Variants in TLK1 observed in about 807,000 individuals in gnomAD.
TLK1 encodes serine/threonine-protein kinase tousled-like 1.
In TLK1, 24 loss-of-function variants were observed where a neutral mutation model predicts 105.3. That is an observed-to-expected ratio of 0.23 (90% CI 0.17 to 0.32). TLK1 has a LOEUF of 0.32. Ranked by LOEUF, TLK1 falls within the 10% of genes least tolerant of loss-of-function variation. The pLI, the probability that TLK1 is intolerant of heterozygous loss-of-function variation, is 1.00. For synonymous variants in TLK1, 321 were observed against 310.4 expected, an observed-to-expected ratio of 1.03 and a Z score of -0.36; for missense variants, 558 against 910.5, an observed-to-expected ratio of 0.61 and a Z score of 4.98.
intron 2 of TLK1, among the ~76,000 whole-genome samples, chr2:171,098,089 T>G (rs938130714): frequency 6.6e-6 from 1 of 152,142 alleles, no homozygotes; most frequent in African/African-American, 2.4e-5. Context: ...CAACGATGGT[T>G]GCCAGGAACT....
Position 171,160,348 on chromosome 2 carries a change from C to G in TLK1, c.81G>C (p.Ser27=), listed in dbSNP as rs925498146. ...SQLSTSPTPG[S]AAAARSLLNH... ...TCAGCAGGGACCTGGCCGCCGCCGC[C>G]GAGCCCGGGGTTGGAGACGTGGAGA... Residue 27 remains serine, a synonymous_variant, in exon 1 of 21, where the codon TCG becomes TCC. Coordinates refer to ENST00000431350, the MANE Select transcript of TLK1 (RefSeq NM_012290.5). The surrounding 1 kb of genome is among the most constrained non-coding windows in gnomAD (Gnocchi z 4.4). 9 of 1,604,440 alleles carry G rather than the reference C, an allele frequency of 5.6e-6. No individual in the cohort carries two copies. Among genetic ancestry groups the G allele is most frequent in the Non-Finnish European group, 7.7e-6 (9 of 1,176,224 alleles).
In TLK1 at chr2:171,050,105, T is replaced by C. The variant is rs139963917; in HGVS notation, c.802A>G (p.Asn268Asp). The change falls in exon 9 of 21, where the codon AAT (asparagine) becomes GAT (aspartate). Residue 268 changes from asparagine to aspartate, a missense_variant. Physicochemically the swap from Asn to Asp is conservative, Grantham distance 23 (BLOSUM62 1). Around this residue, in one of 5 missense-constraint regions of TLK1, gnomAD observed 196 missense variants for 239.3 expected, o/e 0.82. Coordinates refer to ENST00000431350, the MANE Select transcript of TLK1 (RefSeq NM_012290.5). ...KLLEKYKERL[N>D]KCISMSKKLL... is the part of the protein sequence containing the mutation. ...TTCTTGCTCATTGATATGCACTTAT[T>C]TAATCGTTCTTTGTATTTTTCAAGT... is the stretch of plus-strand genomic sequence containing the variant. 1.9e-6 allele frequency: 3 copies of C among 1,600,242 alleles called. No individual in the cohort carries two copies. The highest frequency in any genetic ancestry group is 2.7e-5 in the African/African-American group (2 of 74,698).
chr2:171,090,966 G>C (rs1313790796), intron 2 of TLK1, among the ~76,000 whole-genome samples: 2 of 152,250 alleles, frequency 1.3e-5, no homozygotes, highest in Middle Eastern at 6.8e-3. Flanking sequence ...GCTACTATTA[G>C]GCCATACAGA....
intron 12 of TLK1, among the ~76,000 whole-genome samples, chr2:171,021,224 A>C (rs888903273): frequency 1.3e-5 from 2 of 151,466 alleles, no homozygotes; most frequent in African/African-American, 2.4e-5. Flanking sequence ...GCATCAAATA[A>C]ATGTTTAAGA....
intron 13 of TLK1, among the ~76,000 whole-genome samples, chr2:171,012,518 G>A (rs899754535): frequency 3.3e-5 from 5 of 151,544 alleles, no homozygotes; most frequent in South Asian, 2.1e-4. Flanking sequence ...ACAGAGTCTC[G>A]CTCTGGCTGG....
intron 18 of TLK1, among the ~76,000 whole-genome samples, chr2:170,998,801 C>T (rs1025910876): frequency 1.3e-5 from 2 of 152,174 alleles, no homozygotes; most frequent in Admixed American, 6.5e-5. Flanking sequence ...CAGGGTCCAA[C>T]TCTGTCACCC....
At chr2:171,004,708 G>A (rs752646634) in intron 18 of TLK1, among the ~76,000 whole-genome samples, 1 of 152,018 alleles carries the variant, frequency 6.6e-6, no homozygotes, top group Non-Finnish European at 1.5e-5. Context: ...TATCTTCCAT[G>A]GAATCTAAGA....
chr2:171,046,374 T>C lies in TLK1; in HGVS notation c.981-12A>G, dbSNP rs978990078. ...CCCATTCTTGTTGCCTGTGTAAAAA[T>C]AAACAAATAAAACCATATTAACCTT... is the stretch of plus-strand genomic sequence containing the variant. On this transcript the variant is annotated splice_polypyrimidine_tract_variant and intron_variant, in intron 10 of 20. Transcript: ENST00000431350. 1 of 1,580,592 alleles carries C rather than the reference T, an allele frequency of 6.3e-7. No homozygotes were observed. Among genetic ancestry groups the C allele is most frequent in the African/African-American group, 1.4e-5 (1 of 73,286 alleles).
At chr2:171,122,006 G>A (rs941064044) in intron 1 of TLK1, among the ~76,000 whole-genome samples, 2 of 152,296 alleles carry the variant, frequency 1.3e-5, no homozygotes, top group Admixed American at 6.5e-5. Context: ...GAGTGTAGTG[G>A]TGCAATCTTG....
intron 18 of TLK1, among the ~76,000 whole-genome samples, chr2:171,001,940 C>T (rs1210412393): frequency 6.6e-6 from 1 of 151,998 alleles, no homozygotes; most frequent in Non-Finnish European, 1.5e-5. Context: ...ACCACCACAC[C>T]CAGCTAATTT....
chr2:171,152,518 A>ATTG (rs144550135), intron 1 of TLK1, among the ~76,000 whole-genome samples: 131 of 151,840 alleles, frequency 8.6e-4, no homozygotes, highest in East Asian at 3.9e-3. Flanking sequence ...AGGTTTTGTT[A>ATTG]TTGTTGTTGT....
intron 1 of TLK1, among the ~76,000 whole-genome samples, chr2:171,199,195 C>A (rs1473059195): frequency 6.6e-6 from 1 of 152,132 alleles, no homozygotes; most frequent in African/African-American, 2.4e-5. Context: ...TAAAATCATG[C>A]CAAGGTCATT....
intron 3 of TLK1, among the ~76,000 whole-genome samples, chr2:171,064,648 T>G (rs1349352486): frequency 6.6e-6 from 1 of 152,156 alleles, no homozygotes; most frequent in Non-Finnish European, 1.5e-5. Context: ...GATTTGGCTT[T>G]GAAGTAAAGA....
intron 1 of TLK1, among the ~76,000 whole-genome samples, chr2:171,196,860 C>G (rs1693285406): frequency 6.6e-6 from 1 of 152,116 alleles, no homozygotes; most frequent in African/African-American, 2.4e-5. Flanking sequence ...GTAACTATGC[C>G]TATATGAATA....
intron 2 of TLK1, among the ~76,000 whole-genome samples, chr2:171,100,305 G>A (rs1040573549): frequency 6.6e-6 from 1 of 152,172 alleles, no homozygotes; most frequent in African/African-American, 2.4e-5. Context: ...GGCGGTGTGG[G>A]AAGTAAGGTC....
intron 14 of TLK1, 85 bp downstream of exon 14, chr2:171,011,288 C>A: frequency 8.4e-7 from 1 of 1,194,008 alleles, no homozygotes; most frequent in Non-Finnish European, 1.1e-6. Context: ...GCCACCATGC[C>A]CAGACAACGT....
intron 18 of TLK1, among the ~76,000 whole-genome samples, chr2:171,003,350 T>C (rs904210860): frequency 6.6e-6 from 1 of 150,766 alleles, no homozygotes; most frequent in Admixed American, 6.6e-5. Context: ...GTGACAGCTT[T>C]ACAAATTTCT....
Position 171,006,069 on chromosome 2 carries a change from A to T in TLK1, c.1904+78T>A, listed in dbSNP as rs191806949. The T allele has an allele frequency of 2.2e-3, 1,719 of 780,466 alleles. 4 individuals are homozygous for T. Among genetic ancestry groups the T allele is most frequent in the Middle Eastern group, 0.01 (31 of 3,100 alleles). The allele number at this position is 780,466 out of a possible 1,614,324, so 48.3% of individuals were successfully genotyped here. ...GTAATCTTAATGGCTACATGGAAATAAAAAAAAAAACACTAAATTATTATA... is the reference window on the plus strand; with the variant it reads ...GTAATCTTAATGGCTACATGGAAATTAAAAAAAAAACACTAAATTATTATA... On this transcript the variant is annotated intron_variant, in intron 18 of 20. Transcript: ENST00000431350.
chr2:171,065,787 T>C (rs1687966334), intron 3 of TLK1, among the ~76,000 whole-genome samples: 1 of 152,252 alleles, frequency 6.6e-6, no homozygotes, highest in East Asian at 1.9e-4. Context: ...TCCGCCCATC[T>C]TGGCCTCCCA....
Sources: gnomAD v4.1 joint callset for allele counts (sites outside exome capture counted in the v4.1 genomes callset) on GRCh38, gnomAD v4.1.1 for gene constraint, gnomAD v4.1.1 regional missense constraint, Gnocchi (gnomAD v3.1) non-coding constraint, MANE v1.5 for transcripts, NCBI Gene and HGNC (gene_info 2026-07-23, HGNC 2026-07-21) for gene names.